The following CENPQ variants were observed in gnomAD, a reference collection of about 807,000 sequenced individuals.
CENPQ encodes the protein centromere protein Q.
CENPQ carries 27 observed loss-of-function variants against 36.6 expected under a neutral mutation model. That is an observed-to-expected ratio of 0.74 (90% CI 0.54 to 1.02). The LOEUF is 1.02. Ranked by LOEUF, CENPQ falls within the 50% of genes least tolerant of loss-of-function variation. The pLI is 0.00. For synonymous variants in CENPQ, 101 were observed against 101.7 expected (o/e 0.99, Z 0.04); for missense variants, 306 against 301.8 (o/e 1.01, Z -0.10).
At chr6:49,491,315 T>C (rs2501967) in intron 8 of CENPQ, among the ~76,000 whole-genome samples, 149,470 of 152,290 alleles carry the variant, frequency 0.98, 73,420 homozygotes, top group East Asian at 1. Context: ...CATTCTGTTG[T>C]ATGGAGGTCA....
Position 49,488,431 on chromosome 6 carries a change from T to C in CENPQ, c.557T>C (p.Leu186Pro), listed in dbSNP as rs1294809985. ...IQSLKNKIQI[L>P]ASEVEEEEER... is the part of the protein sequence containing the mutation. ...AGCCTAAAGAACAAAATTCAGATTCTGGCAAGTGAGGTGGAAGAAGAAGAG... is the reference window on the plus strand; with the variant it reads ...AGCCTAAAGAACAAAATTCAGATTCCGGCAAGTGAGGTGGAAGAAGAAGAG... Residue 186 changes from leucine to proline, a missense_variant, in exon 7 of 9, where the codon CTG becomes CCG. Coordinates refer to ENST00000335783, the MANE Select transcript of CENPQ (RefSeq NM_018132.4). 6.2e-7 allele frequency: 1 copy of C among 1,613,218 alleles called. No individual in the cohort carries two copies. The highest frequency in any genetic ancestry group is 2.2e-5 in the East Asian group (1 of 44,774).
In CENPQ at chr6:49,492,353, G is replaced by T; in HGVS notation, c.*78G>T. ...TAAAACTGTTAACCTATGATTATATGTACAGAGGCTAAGGCTTCTGCAGGA... is the reference window on the plus strand; with the variant it reads ...TAAAACTGTTAACCTATGATTATATTTACAGAGGCTAAGGCTTCTGCAGGA... On this transcript the variant is annotated 3_prime_UTR_variant, in exon 9 of 9. Coordinates refer to ENST00000335783, the MANE Select transcript of CENPQ (RefSeq NM_018132.4). 1 of 1,279,058 alleles carries T rather than the reference G, an allele frequency of 7.8e-7. No homozygotes were observed. Among genetic ancestry groups the T allele is most frequent in the Non-Finnish European group, 1.1e-6 (1 of 941,266 alleles). The allele number at this position is 1,279,058 out of a possible 1,614,324, so 79.2% of individuals were successfully genotyped here.
At position 49,472,799 on chromosome 6, in the gene CENPQ, G is replaced by T. The variant is rs1471555978; in HGVS notation, c.288G>T (p.Leu96Phe). 6.9e-7 allele frequency: 1 copy of T among 1,449,798 alleles called. No individual in the cohort carries two copies. Among genetic ancestry groups the T allele is most frequent in the Admixed American group, 2.1e-5 (1 of 47,502 alleles). 89.8% of individuals were successfully genotyped at this position (1,449,798 alleles called of 1,614,324 possible). A position where few individuals can be genotyped will look rare whatever the true frequency, so the allele number is the denominator to read the frequency against. The change falls in exon 5 of 9, where the codon TTG becomes TTT. Residue 96 changes from leucine (L) to phenylalanine (F), a missense_variant. Coordinates refer to ENST00000335783, the MANE Select transcript of CENPQ (RefSeq NM_018132.4). The part of the protein sequence containing the change: ...TMMESVIMTI[L>F]SNSIKEKEEI... ...TTTTTTTCTTTTCTAGGACAATTTT[G>T]AGTAACAGTATTAAAGAAAAAGAAG...
At chr6:49,486,617 T>C (rs929566662) in intron 6 of CENPQ, among the ~76,000 whole-genome samples, 1 of 151,152 alleles carries the variant, frequency 6.6e-6, no homozygotes, top group African/African-American at 2.4e-5. Context: ...TAAAACAAAA[T>C]GTAAAAAAAA....
chr6:49,480,083 T>G lies in CENPQ; in HGVS notation c.348-868T>G, dbSNP rs1328514424. Reference sequence around the variant, plus strand: ...TTTGCCTACATAACCTGCATATGTATTCCTGAATCTAAAATAAAAGATTTT... The same window carrying G: ...TTTGCCTACATAACCTGCATATGTAGTCCTGAATCTAAAATAAAAGATTTT... On this transcript the variant is annotated intron_variant, in intron 5 of 8. Transcript: ENST00000335783. Among the ~76,000 whole-genome samples, 4 of 152,308 alleles carry G rather than the reference T, an allele frequency of 2.6e-5. No individual in the cohort carries two copies. The East Asian group carries it at 5.8e-4, about 22-fold the overall frequency.
At chr6:49,488,546 A>C in intron 7 of CENPQ, 61 bp from the exon 8 acceptor site, 1 of 1,593,410 alleles carries the variant, frequency 6.3e-7, no homozygotes, top group Non-Finnish European at 8.6e-7. Flanking sequence ...ATAACTTTCG[A>C]GTATAATATG....
At chr6:49,488,562 A>G (rs1216224563) in intron 7 of CENPQ, 45 bp from the exon 8 acceptor site, 1 of 1,597,312 alleles carries the variant, frequency 6.3e-7, no homozygotes, top group East Asian at 2.2e-5. Flanking sequence ...ATATGATGAG[A>G]GAAATCAGCT....
intron 3 of CENPQ, 48 bp from the exon 4 acceptor site, chr6:49,472,015 A>T (rs765811621): frequency 6.6e-7 from 1 of 1,523,360 alleles, no homozygotes; most frequent in Non-Finnish European, 8.8e-7. Flanking sequence ...AAGCAAAAAC[A>T]TGTAAAACAT....
intron 6 of CENPQ, among the ~76,000 whole-genome samples, chr6:49,487,027 C>T (rs1327319253): frequency 6.6e-6 from 1 of 150,746 alleles, no homozygotes; most frequent in Non-Finnish European, 1.5e-5. Flanking sequence ...GTGGCAGGTG[C>T]CTGTAGTCCC....
intron 4 of CENPQ, among the ~76,000 whole-genome samples, chr6:49,472,479 C>A (rs1768165106): frequency 6.6e-6 from 1 of 152,070 alleles, no homozygotes. Context: ...TTCAAAGTGA[C>A]ACTTTACATA....
chr6:49,474,109 T>C lies in CENPQ; in HGVS notation c.347+1251T>C, dbSNP rs556184934. The stretch of plus-strand genomic sequence containing the variant: ...CCACTGTCAACACTAGACAGACCAA[T>C]GAGACAGAAAATTAACAAGGATATA... On this transcript the variant is annotated intron_variant, in intron 5 of 8. Coordinates refer to ENST00000335783, the MANE Select transcript of CENPQ (RefSeq NM_018132.4). Among the ~76,000 whole-genome samples the C allele has an allele frequency of 2.0e-5, 3 of 152,168 alleles. No homozygotes were observed. The East Asian group carries it at 5.8e-4, about 29-fold the overall frequency.
chr6:49,476,201 C>G (rs1218052612), intron 5 of CENPQ, among the ~76,000 whole-genome samples: 4 of 152,092 alleles, frequency 2.6e-5, no homozygotes, highest in South Asian at 2.1e-4. Context: ...AAACAAAACA[C>G]CATGGTACTG....
intron 3 of CENPQ, among the ~76,000 whole-genome samples, chr6:49,471,833 T>C (rs1360117791): frequency 6.6e-6 from 1 of 152,208 alleles, no homozygotes; most frequent in African/African-American, 2.4e-5. Context: ...AAATTATTTC[T>C]ATTATCACTT....
intron 6 of CENPQ, among the ~76,000 whole-genome samples, chr6:49,483,676 GC>G (rs1768508735): frequency 1.3e-5 from 2 of 152,336 alleles, no homozygotes; most frequent in Admixed American, 6.5e-5. Flanking sequence ...GCCCCTCATT[GC>G]CCAGGGCTGG....
chr6:49,482,053 G>A (rs938722325), intron 6 of CENPQ, among the ~76,000 whole-genome samples: 11 of 152,180 alleles, frequency 7.2e-5, no homozygotes, highest in African/African-American at 2.7e-4. Context: ...ACCCCCCGCA[G>A]CCGCTGGCTT....
At chr6:49,464,177 C>T (rs1470691496) in intron 1 of CENPQ, among the ~76,000 whole-genome samples, 1 of 152,018 alleles carries the variant, frequency 6.6e-6, no homozygotes, top group Admixed American at 6.6e-5. Flanking sequence ...ACCAATAAAG[C>T]CTGTCACACG....
intron 8 of CENPQ, 129 bp downstream of exon 8, chr6:49,488,813 A>T: frequency 4.2e-6 from 3 of 722,160 alleles, no homozygotes; most frequent in South Asian, 3.2e-5. Context: ...TTCCCACGGC[A>T]TATGGAAGTT....
chr6:49,478,586 G>A (rs529779432), intron 5 of CENPQ, among the ~76,000 whole-genome samples: 18 of 152,132 alleles, frequency 1.2e-4, no homozygotes, highest in Admixed American at 4.6e-4. Flanking sequence ...TTAGCCTGGC[G>A]AAGAAAGAGG....
chr6:49,481,095 T>C lies in CENPQ; in HGVS notation c.477+15T>C. The stretch of plus-strand genomic sequence containing the variant: ...CATTACTACAGGTATGAAATTTGAA[T>C]AGGGAATCCATAATTAGAGAGTTAG... On this transcript the variant is annotated intron_variant, in intron 6 of 8. Coordinates refer to ENST00000335783, the MANE Select transcript of CENPQ (RefSeq NM_018132.4). 6.3e-7 allele frequency: 1 copy of C among 1,580,468 alleles called. No homozygotes were observed. Among genetic ancestry groups the C allele is most frequent in the Non-Finnish European group, 8.6e-7 (1 of 1,168,962 alleles).
Sources: allele counts gnomAD v4.1 joint callset (sites outside exome capture counted in the v4.1 genomes callset), GRCh38; gene constraint gnomAD v4.1.1; transcripts MANE v1.5; gene names NCBI Gene and HGNC (gene_info 2026-07-23, HGNC 2026-07-21).